The following MTFR1 variants were observed in gnomAD, a reference collection of about 807,000 sequenced individuals.
MTFR1 encodes the protein chondrocyte protein with a poly-proline region.
A neutral mutation model predicts 38.8 loss-of-function variants in MTFR1; 28 were observed. The ratio of observed to expected loss-of-function variants is 0.72; its 90% confidence interval spans 0.53 to 0.99. The LOEUF (loss-of-function observed/expected upper bound fraction) is 0.99. MTFR1 is among the 50% of genes least tolerant of loss of function. MTFR1 has a pLI of 0.00. For missense variants in MTFR1, 358 were observed against 395.5 expected (o/e 0.91, Z 0.81); for synonymous variants, 145 against 137.0 (o/e 1.06, Z -0.41).
intron 1 of MTFR1, among the ~76,000 whole-genome samples, chr8:65,649,764 A>G (rs1809065838): frequency 6.6e-6 from 1 of 152,054 alleles, no homozygotes; most frequent in Admixed American, 6.6e-5. Context: ...TTTTGTATGC[A>G]TTAACCATCC....
At chr8:65,687,982 C>A (rs200368739) in intron 3 of MTFR1, among the ~76,000 whole-genome samples, 3 of 151,634 alleles carry the variant, frequency 2.0e-5, no homozygotes, top group Admixed American at 6.6e-5. Flanking sequence ...TGCCTGTAAT[C>A]CCAGCTACTC....
At chr8:65,745,276 A>G (rs1032373487) in intron 3 of MTFR1, 16 of 670,090 alleles carry the variant, frequency 2.4e-5, no homozygotes, top group Non-Finnish European at 4.1e-5. Flanking sequence ...GTGAAAATGG[A>G]CTAATACACT....
intron 1 of MTFR1, among the ~76,000 whole-genome samples, chr8:65,652,624 A>G (rs905625833): frequency 6.6e-6 from 1 of 152,168 alleles, no homozygotes; most frequent in African/African-American, 2.4e-5. Flanking sequence ...ATTTGTGGCT[A>G]TTGTAAATGG....
chr8:65,702,677 G>A (rs1805651401), intron 4 of MTFR1, among the ~76,000 whole-genome samples: 1 of 152,080 alleles, frequency 6.6e-6, no homozygotes, highest in Non-Finnish European at 1.5e-5. Flanking sequence ...CTAAAAAGAT[G>A]AGGGAGGGTC....
chr8:65,707,239 A>T lies in MTFR1; in HGVS notation c.747A>T (p.Lys249Asn). The T allele has an allele frequency of 1.2e-6, 2 of 1,614,044 alleles. No homozygotes were observed. The highest frequency in any genetic ancestry group is 1.7e-6 in the Non-Finnish European group (2 of 1,179,968). ...TCCTTAAAGAGATGAACAGTGTAAA[A>T]CTTCGGTCAGTGAAGAGGTGAGGAT... Reference protein sequence around the residue: ...LEILKEMNSVKLRSVKRSEQD... With the variant: ...LEILKEMNSVNLRSVKRSEQD... Residue 249 changes from lysine to asparagine, a missense_variant, in exon 6 of 8, where the codon AAA becomes AAT. Coordinates refer to ENST00000262146, the MANE Select transcript of MTFR1 (RefSeq NM_014637.4).
intron 3 of MTFR1, among the ~76,000 whole-genome samples, chr8:65,758,806 T>A (rs1808354860): frequency 6.6e-6 from 1 of 152,226 alleles, no homozygotes; most frequent in Non-Finnish European, 1.5e-5. Flanking sequence ...AGCATTTGCA[T>A]CTTCCACAAG....
chr8:65,776,909 G>C, the MTFR1 span, among the ~76,000 whole-genome samples: 4 of 152,120 alleles, frequency 2.6e-5, no homozygotes, highest in African/African-American at 9.7e-5. Context: ...GAAAGATGAT[G>C]AAAGATATTC....
chr8:65,769,487 C>G (rs527965974), intron 3 of MTFR1, among the ~76,000 whole-genome samples: 1 of 152,352 alleles, frequency 6.6e-6, no homozygotes, highest in Non-Finnish European at 1.5e-5. Context: ...CAAAATCCCT[C>G]TATCTTGTGT....
chr8:65,723,718 A>C, intron 3 of MTFR1: 1 of 831,238 alleles, frequency 1.2e-6, no homozygotes, highest in Non-Finnish European at 1.7e-6. Flanking sequence ...TCTTAGGAAA[A>C]ACATACTTAA....
At chr8:65,758,891 C>G (rs1419384934) in intron 3 of MTFR1, among the ~76,000 whole-genome samples, 1 of 152,232 alleles carries the variant, frequency 6.6e-6, no homozygotes, top group East Asian at 1.9e-4. Context: ...GTCTCACTTG[C>G]CAGCTATGTT....
downstream of MTFR1, among the ~76,000 whole-genome samples, chr8:65,771,691 A>C (rs1809091245): frequency 6.6e-6 from 1 of 151,976 alleles, no homozygotes; most frequent in South Asian, 2.1e-4. Flanking sequence ...CCTGGCCAAC[A>C]TGGTGAAACC....
chr8:65,692,548 C>G (rs760943122), intron 3 of MTFR1, among the ~76,000 whole-genome samples: 1 of 152,114 alleles, frequency 6.6e-6, no homozygotes, highest in Non-Finnish European at 1.5e-5. Context: ...CCATGTTGGC[C>G]AAGCTGGTTT....
chr8:65,741,506 G>A (rs1807434687), intron 3 of MTFR1, among the ~76,000 whole-genome samples: 1 of 152,214 alleles, frequency 6.6e-6, no homozygotes, highest in South Asian at 2.1e-4. Context: ...AGCAATGACA[G>A]AAAAGATGTG....
chr8:65,713,673 C>G (rs1047684719), downstream of MTFR1, among the ~76,000 whole-genome samples: 7 of 152,044 alleles, frequency 4.6e-5, no homozygotes, highest in Non-Finnish European at 5.9e-5. Flanking sequence ...GGCTAAGTAA[C>G]TTTATCGGTC....
At chr8:65,705,508 T>C (rs1178288363) in intron 5 of MTFR1, among the ~76,000 whole-genome samples, 1 of 152,186 alleles carries the variant, frequency 6.6e-6, no homozygotes, top group Non-Finnish European at 1.5e-5. Flanking sequence ...TAGTGGATGC[T>C]TTCCTTTCTA....
At chr8:65,766,983 A>C (rs1444507325) in intron 3 of MTFR1, among the ~76,000 whole-genome samples, 2 of 145,102 alleles carry the variant, frequency 1.4e-5, no homozygotes, top group Admixed American at 6.9e-5. Context: ...ATTTGTCAGA[A>C]ATAAGTCTGC....
At chr8:65,739,688 A>G in intron 3 of MTFR1, 1 of 1,226,252 alleles carries the variant, frequency 8.2e-7, no homozygotes, top group Non-Finnish European at 1.0e-6. Context: ...AATATAAAAC[A>G]TGGAAAGAGT....
chr8:65,703,659 T>C (rs1235093702), intron 4 of MTFR1, among the ~76,000 whole-genome samples: 1 of 152,020 alleles, frequency 6.6e-6, no homozygotes, highest in Non-Finnish European at 1.5e-5. Flanking sequence ...GGTCTTTAAC[T>C]CCTGACCTCA....
intron 3 of MTFR1, among the ~76,000 whole-genome samples, chr8:65,732,830 G>C (rs546672601): frequency 1.3e-5 from 2 of 152,068 alleles, no homozygotes; most frequent in Non-Finnish European, 2.9e-5. Flanking sequence ...AAATTTTTCA[G>C]AAGTCATTTT....
Sources: gnomAD v4.1 joint callset for allele counts (sites outside exome capture counted in the v4.1 genomes callset) on GRCh38, gnomAD v4.1.1 for gene constraint, MANE v1.5 for transcripts, NCBI Gene and HGNC (gene_info 2026-07-23, HGNC 2026-07-21) for gene names.